R3HCC1L: variants seen among roughly 807,000 people sequenced by gnomAD.
R3HCC1L encodes R3H domain and coiled-coil containing 1 like, also known as coiled-coil domain-containing protein R3HCC1L.
In R3HCC1L, 51 loss-of-function variants were observed where a neutral mutation model predicts 59.9. That is an observed-to-expected ratio of 0.85 (90% CI 0.68 to 1.07). R3HCC1L has a LOEUF of 1.07. Ranked by LOEUF, R3HCC1L falls within the 50% of genes least tolerant of loss-of-function variation. R3HCC1L has a pLI of 0.00. For synonymous variants in R3HCC1L, 322 were observed against 315.2 expected (o/e 1.02, Z -0.23); for missense variants, 965 against 933.0 (o/e 1.03, Z -0.45).
chr10:98,177,791 G>A (rs1178101224), intron 4 of R3HCC1L, among the ~76,000 whole-genome samples: 1 of 152,124 alleles, frequency 6.6e-6, no homozygotes, highest in Non-Finnish European at 1.5e-5. Context: ...GTGATGATGA[G>A]CATTTTTTCA....
chr10:98,177,515 G>A (rs555643293), intron 4 of R3HCC1L, among the ~76,000 whole-genome samples: 15 of 152,280 alleles, frequency 9.9e-5, no homozygotes, highest in African/African-American at 2.9e-4. Flanking sequence ...CTTTATAGTA[G>A]CATGATTTAT....
At chr10:98,205,341 T>G (rs1252612814) in intron 4 of R3HCC1L, among the ~76,000 whole-genome samples, 1 of 152,016 alleles carries the variant, frequency 6.6e-6, no homozygotes, top group Admixed American at 6.5e-5. Flanking sequence ...GGAAGAATGT[T>G]TACGCTACAG....
rs552391225 is a variant in R3HCC1L, at chr10:98,176,788, A to G, written c.-15+13391A>G. 2.7e-4 allele frequency among the ~76,000 whole-genome samples: 41 copies of G among 152,172 alleles called. 1 individual carries two copies. The South Asian group carries it at 8.3e-3, about 31-fold the overall frequency. ...CATCTTTACTTTATTTTTGCATCTT[A>G]CGGGGAGAGCATTTGGTTCTTCATC... On this transcript the variant is annotated intron_variant, in intron 4 of 9. Transcript: ENST00000298999.
Position 98,190,604 on chromosome 10 carries a change from T to A in R3HCC1L, c.-14-17497T>A, listed in dbSNP as rs74502361. Among the ~76,000 whole-genome samples, 1,114 of 152,292 alleles carry A rather than the reference T, an allele frequency of 7.3e-3. 18 individuals are homozygous for A. The highest frequency in any genetic ancestry group is 0.025 in the African/African-American group (1,057 of 41,570). Reference sequence around the variant, plus strand: ...TTAAATTGTAAAAAGTGAAGAAGAATTCTAGATTAAAAGTAATAGTAGTGC... The same window carrying A: ...TTAAATTGTAAAAAGTGAAGAAGAAATCTAGATTAAAAGTAATAGTAGTGC... On this transcript the variant is annotated intron_variant, in intron 4 of 9. Coordinates refer to ENST00000298999, the MANE Select transcript of R3HCC1L (RefSeq NM_001351015.2).
At chr10:98,203,280 G>A (rs780660465) in intron 4 of R3HCC1L, among the ~76,000 whole-genome samples, 57 of 152,094 alleles carry the variant, frequency 3.7e-4, no homozygotes, top group Non-Finnish European at 7.1e-4. Flanking sequence ...AGGAAGAGGA[G>A]GAGGAATATA....
chr10:98,217,376 G>T (rs1281904113), intron 5 of R3HCC1L, among the ~76,000 whole-genome samples: 2 of 152,020 alleles, frequency 1.3e-5, no homozygotes, highest in Non-Finnish European at 2.9e-5. Flanking sequence ...TGGTCTGTAT[G>T]CCTGTTTTTA....
chr10:98,216,066 A>G (rs138372182), intron 5 of R3HCC1L, among the ~76,000 whole-genome samples: 4 of 152,310 alleles, frequency 2.6e-5, no homozygotes, highest in South Asian at 4.1e-4. Flanking sequence ...AGAAGTTTAG[A>G]TGATTTATTT....
intron 9 of R3HCC1L, among the ~76,000 whole-genome samples, chr10:98,239,417 T>C (rs1857291757): frequency 6.6e-6 from 1 of 152,162 alleles, no homozygotes; most frequent in South Asian, 2.1e-4. Flanking sequence ...TAATATGGTA[T>C]AATAATCTCC....
intron 4 of R3HCC1L, among the ~76,000 whole-genome samples, chr10:98,204,466 A>G (rs1023985615): frequency 2.0e-5 from 3 of 152,174 alleles, no homozygotes; most frequent in Admixed American, 6.5e-5. Context: ...GCAGGATGGG[A>G]AAAGTTTAAT....
chr10:98,189,258 A>G (rs1850572736), intron 4 of R3HCC1L, among the ~76,000 whole-genome samples: 1 of 152,182 alleles, frequency 6.6e-6, no homozygotes, highest in African/African-American at 2.4e-5. Flanking sequence ...AACAAAAAAT[A>G]GTGATCTGGA....
At chr10:98,195,651 C>A (rs1168598619) in intron 4 of R3HCC1L, among the ~76,000 whole-genome samples, 2 of 151,864 alleles carry the variant, frequency 1.3e-5, no homozygotes, top group Non-Finnish European at 2.9e-5. Context: ...TTGTACCTTC[C>A]ATTGTAGACC....
At chr10:98,177,169 A>G (rs1387735059) in intron 4 of R3HCC1L, among the ~76,000 whole-genome samples, 1 of 151,984 alleles carries the variant, frequency 6.6e-6, no homozygotes, top group East Asian at 1.9e-4. Flanking sequence ...TCCTAATGCT[A>G]TCCCTCCCCC....
intron 5 of R3HCC1L, among the ~76,000 whole-genome samples, chr10:98,231,268 T>G (rs1936812276): frequency 6.6e-6 from 1 of 152,214 alleles, no homozygotes; most frequent in Non-Finnish European, 1.5e-5. Context: ...AAGTTGAGTT[T>G]CATGCATTGC....
intron 5 of R3HCC1L, among the ~76,000 whole-genome samples, chr10:98,220,011 T>G (rs145177057): frequency 3.3e-5 from 5 of 152,332 alleles, no homozygotes; most frequent in African/African-American, 7.2e-5. Context: ...ACTCCCAAAA[T>G]TTAAATATTT....
At chr10:98,207,480 A>T (rs2135235391) in intron 4 of R3HCC1L, among the ~76,000 whole-genome samples, 1 of 152,276 alleles carries the variant, frequency 6.6e-6, no homozygotes, top group Middle Eastern at 3.4e-3. Context: ...TTACTGCTGG[A>T]AGCAAGGGAA....
intron 4 of R3HCC1L, among the ~76,000 whole-genome samples, chr10:98,197,942 T>C (rs1851621032): frequency 6.6e-6 from 1 of 152,134 alleles, no homozygotes; most frequent in South Asian, 2.1e-4. Flanking sequence ...AGCTAAATTA[T>C]GTAGGATTGT....
chr10:98,208,217 G>A lies in R3HCC1L; in HGVS notation c.103G>A (p.Asp35Asn). 2 of 1,614,072 alleles carry A rather than the reference G, an allele frequency of 1.2e-6. No homozygotes were observed. The highest frequency in any genetic ancestry group is 1.7e-6 in the Non-Finnish European group (2 of 1,180,002). Residue 35 changes from aspartate (D) to asparagine (N), a missense_variant, in exon 5 of 10, where the codon GAT (aspartate) becomes AAT (asparagine). Physicochemically the swap from Asp to Asn is conservative, Grantham distance 23. Transcript: ENST00000298999. Reference sequence around the variant, plus strand: ...GGGTGCAGTACTCCTTAAGACAGGTGATGAAGAAGAAAGCTGTGGTTCACC... The same window carrying A: ...GGGTGCAGTACTCCTTAAGACAGGTAATGAAGAAGAAAGCTGTGGTTCACC... Reference protein sequence around the residue: ...RRGAVLLKTGDEEESCGSPNS... With the variant: ...RRGAVLLKTGNEEESCGSPNS...
At chr10:98,175,424 G>A (rs1479276757) in intron 4 of R3HCC1L, among the ~76,000 whole-genome samples, 1 of 152,128 alleles carries the variant, frequency 6.6e-6, no homozygotes, top group African/African-American at 2.4e-5. Context: ...AATGCAGAGA[G>A]AGCAGTTCCA....
Position 98,215,600 on chromosome 10 carries a change from G to T in R3HCC1L, c.1785+5701G>T, listed in dbSNP as rs1050561931. 1.3e-5 allele frequency among the ~76,000 whole-genome samples: 2 copies of T among 152,096 alleles called. 1 individual carries two copies. The highest frequency in any genetic ancestry group is 1.3e-4 in the Admixed American group (2 of 15,272). ...TTTGATGACGCAGCATTTCTTAAAA[G>T]AATACATAAAAGAACCAAAAATCTT... On this transcript the variant is annotated intron_variant, in intron 5 of 9. Transcript: ENST00000298999.
Sources: allele counts gnomAD v4.1 joint callset (sites outside exome capture counted in the v4.1 genomes callset), GRCh38; gene constraint gnomAD v4.1.1; transcripts MANE v1.5; gene names NCBI Gene and HGNC (gene_info 2026-07-23, HGNC 2026-07-21).